The following TADA2A variants were observed in gnomAD, a reference collection of about 807,000 sequenced individuals.
TADA2A encodes the protein transcriptional adaptor 2A.
In TADA2A, 38 loss-of-function variants were observed where a neutral mutation model predicts 67.4. That is an observed-to-expected ratio of 0.56 (90% CI 0.44 to 0.74). The LOEUF (loss-of-function observed/expected upper bound fraction) is 0.74, where lower values mean the gene tolerates loss of function less well. Among genes scored for constraint, TADA2A ranks in the 30% least tolerant of loss-of-function variants. TADA2A has a pLI of 0.00. For missense variants in TADA2A, 454 were observed against 547.0 expected (o/e 0.83, Z 1.70); for synonymous variants, 192 against 181.6 (o/e 1.06, Z -0.46).
intron 8 of TADA2A, among the ~76,000 whole-genome samples, chr17:37,445,512 C>G (rs774542452): frequency 6.6e-6 from 1 of 152,154 alleles, no homozygotes; most frequent in East Asian, 1.9e-4. Context: ...GTGATCTGCC[C>G]GCCTCAGCTT....
At chr17:37,450,352 C>T (rs2053200066) in intron 8 of TADA2A, among the ~76,000 whole-genome samples, 1 of 152,108 alleles carries the variant, frequency 6.6e-6, no homozygotes, top group South Asian at 2.1e-4. Context: ...CTTGTTTGGT[C>T]GCAGTAGGGA....
intron 11 of TADA2A, chr17:37,465,769 T>G (rs2053652219): frequency 6.3e-6 from 4 of 637,888 alleles, no homozygotes; most frequent in Non-Finnish European, 7.7e-6. Flanking sequence ...AATTTAGTAG[T>G]TTTTCTCCCT....
intron 4 of TADA2A, among the ~76,000 whole-genome samples, chr17:37,431,736 G>A (rs1025929888): frequency 2.6e-5 from 4 of 151,752 alleles, no homozygotes; most frequent in Non-Finnish European, 5.9e-5. Context: ...CACCGTGCCC[G>A]GCTAATTTTT....
chr17:37,454,710 TC>T, intron 8 of TADA2A: 1 of 346,528 alleles, frequency 2.9e-6, no homozygotes, highest in Non-Finnish European at 5.9e-6. Flanking sequence ...GCAGTCAAAT[TC>T]CAGAAGGCCA....
At chr17:37,427,549 C>G (rs1347208304) in intron 4 of TADA2A, among the ~76,000 whole-genome samples, 1 of 152,162 alleles carries the variant, frequency 6.6e-6, no homozygotes, top group Non-Finnish European at 1.5e-5. Flanking sequence ...TTGGCTATAG[C>G]TTAATTGTAA....
rs1219748920 is a variant in TADA2A at position 37,478,858 on chromosome 17, A to C, written c.*1876A>C. 1 of 152,330 alleles carries C rather than the reference A, an allele frequency of 6.6e-6. No individual in the cohort carries two copies. Among genetic ancestry groups the C allele is most frequent in the South Asian group, 2.1e-4 (1 of 4,828 alleles). The allele number at this position is 152,330 out of a possible 1,614,324, so 9.4% of individuals were successfully genotyped here. A position where few individuals can be genotyped will look rare whatever the true frequency, so the allele number is the denominator to read the frequency against. On this transcript the variant is annotated 3_prime_UTR_variant, in exon 16 of 16. Coordinates refer to ENST00000615182, the MANE Select transcript of TADA2A (RefSeq NM_001166105.3). ...AAGAAATGAAAAAGACACTCTAAGG[A>C]CCTGAGGGAATTCAAATAGAGGACT...
intron 2 of TADA2A, 96 bp downstream of exon 2, chr17:37,411,486 G>T: frequency 8.2e-7 from 1 of 1,212,496 alleles, no homozygotes; most frequent in Non-Finnish European, 1.2e-6. Context: ...ACAGTGGCAT[G>T]ATGTTGGCTC....
Position 37,471,122 on chromosome 17 carries a change from A to G in TADA2A, c.1057A>G (p.Met353Val), listed in dbSNP as rs762982052. Reference sequence around the variant, plus strand: ...TTCCGGCCTGAGTCCTTCCATTCCAATGGCTTCGAATTCAGGTAATTATTT... The same window carrying G: ...TTCCGGCCTGAGTCCTTCCATTCCAGTGGCTTCGAATTCAGGTAATTATTT... ...IDSGLSPSIPMASNSGRRSAP... is the reference protein window; with the variant it reads ...IDSGLSPSIPVASNSGRRSAP... The change falls in exon 14 of 16, where the codon ATG becomes GTG. Residue 353 changes from methionine (M) to valine (V), a missense_variant. Around this residue, in one of 2 missense-constraint regions of TADA2A, gnomAD observed 403 missense variants for 455.5 expected, o/e 0.88. Transcript: ENST00000615182. 43 of 1,613,958 alleles carry G rather than the reference A, an allele frequency of 2.7e-5. No individual in the cohort carries two copies. The highest frequency in any genetic ancestry group is 2.2e-4 in the Admixed American group (13 of 59,990).
rs1006039212 is a variant in TADA2A, at chr17:37,419,487, T to A, written c.26-4022T>A. 3.4e-5 allele frequency among the ~76,000 whole-genome samples: 5 copies of A among 146,654 alleles called. No homozygotes were observed. In the Admixed American group the frequency reaches 3.4e-4, roughly 10 times the overall value. ...CCGTGGCCCGTGCAGTAATTGCTTC[T>A]TGACATAAGGATTTAAAAAATCACT... On this transcript the variant is annotated intron_variant, in intron 2 of 15. Transcript: ENST00000615182.
At chr17:37,455,313 T>C (rs1379320317) in intron 8 of TADA2A, among the ~76,000 whole-genome samples, 1 of 87,568 alleles carries the variant, frequency 1.1e-5, no homozygotes, top group Non-Finnish European at 2.1e-5. Flanking sequence ...CTTCTGGTTA[T>C]TAAAAAAAAA....
At chr17:37,474,107 C>G (rs1474321362) in intron 14 of TADA2A, among the ~76,000 whole-genome samples, 1 of 152,172 alleles carries the variant, frequency 6.6e-6, no homozygotes, top group Non-Finnish European at 1.5e-5. Flanking sequence ...GGCATGGTGG[C>G]ATATGCCTGT....
At chr17:37,458,008 G>A (rs988434225) in intron 8 of TADA2A, among the ~76,000 whole-genome samples, 4 of 152,094 alleles carry the variant, frequency 2.6e-5, no homozygotes, top group African/African-American at 7.2e-5. Flanking sequence ...TTGTTATACC[G>A]ATTATTGCAT....
intron 4 of TADA2A, 71 bp from the exon 5 acceptor site, chr17:37,437,667 G>C (rs1388216442): frequency 1.4e-6 from 2 of 1,399,786 alleles, no homozygotes; most frequent in African/African-American, 2.8e-5. Context: ...GAGTATAGGC[G>C]TGAGCCACCG....
intron 3 of TADA2A, 32 bp from the exon 4 acceptor site, chr17:37,426,918 C>CT: frequency 6.3e-7 from 1 of 1,581,424 alleles, no homozygotes; most frequent in Non-Finnish European, 8.6e-7. Context: ...AAGAAAGTAG[C>CT]TTTTGCTAAT....
chr17:37,466,462 AAAT>A (rs1448985300), intron 11 of TADA2A, among the ~76,000 whole-genome samples: 1 of 152,190 alleles, frequency 6.6e-6, no homozygotes, highest in African/African-American at 2.4e-5. Context: ...TAGATTGTTA[AAAT>A]AATATGGACT....
At chr17:37,434,671 A>T (rs1057196846) in intron 4 of TADA2A, among the ~76,000 whole-genome samples, 1 of 152,078 alleles carries the variant, frequency 6.6e-6, no homozygotes, top group African/African-American at 2.4e-5. Context: ...TAATTCTATC[A>T]CTCATTTTAA....
At chr17:37,446,485 T>C (rs192571681) in intron 8 of TADA2A, among the ~76,000 whole-genome samples, 3 of 152,094 alleles carry the variant, frequency 2.0e-5, no homozygotes, top group African/African-American at 7.2e-5. Context: ...AATTTTTGGC[T>C]GGGCATGGTG....
chr17:37,463,159 C>G (rs1325790431), intron 10 of TADA2A, among the ~76,000 whole-genome samples: 1 of 152,026 alleles, frequency 6.6e-6, no homozygotes, highest in Non-Finnish European at 1.5e-5. Flanking sequence ...GATACCTAAG[C>G]AGGGCAGAAA....
At position 37,477,374 on chromosome 17, in the gene TADA2A, T is replaced by C. The variant is rs901950905; in HGVS notation, c.*392T>C. 2 of 173,626 alleles carry C rather than the reference T, an allele frequency of 1.2e-5. No homozygotes were observed. The highest frequency in any genetic ancestry group is 1.2e-4 in the Admixed American group (2 of 16,008). 10.8% of individuals were successfully genotyped at this position (173,626 alleles called of 1,614,324 possible). A position where few individuals can be genotyped will look rare whatever the true frequency, so the allele number is the denominator to read the frequency against. On this transcript the variant is annotated 3_prime_UTR_variant, in exon 16 of 16. Transcript: ENST00000615182. ...GAGGTAAGTTTGCTGATTATCTGTC[T>C]TGCCTTCAAACACTGCAGACAGATT...
Sources: allele counts gnomAD v4.1 joint callset (sites outside exome capture counted in the v4.1 genomes callset), GRCh38; gene constraint gnomAD v4.1.1; regional missense constraint gnomAD v4.1.1; transcripts MANE v1.5; gene names NCBI Gene and HGNC (gene_info 2026-07-23, HGNC 2026-07-21).